CA10: variants seen among roughly 807,000 people sequenced by gnomAD.
The protein encoded by CA10 is carbonic anhydrase 10 (inactive).
A neutral mutation model predicts 44.2 loss-of-function variants in CA10; 14 were observed. The ratio of observed to expected loss-of-function variants is 0.32; its 90% CI spans 0.21 to 0.50. The LOEUF (loss-of-function observed/expected upper bound fraction) is 0.50. Among genes scored for constraint, CA10 ranks in the 20% least tolerant of loss-of-function variants. The probability of loss-of-function intolerance (pLI) is 0.99; values close to 1 mark genes in which losing one functional copy is unlikely to be tolerated. For missense variants in CA10, 350 were observed against 409.7 expected, an observed-to-expected ratio of 0.85 and a Z score of 1.26; for synonymous variants, 159 against 141.6, an observed-to-expected ratio of 1.12 and a Z score of -0.87.
chr17:51,661,919 G>T (rs1454310532), intron 4 of CA10: 1 of 152,208 alleles, frequency 6.6e-6, no homozygotes, highest in Admixed American at 6.5e-5. Flanking sequence ...ACTCAATTCT[G>T]CTTTTATAAT....
chr17:51,684,756 G>C (rs1261226942), intron 4 of CA10, among the ~76,000 whole-genome samples: 1 of 152,182 alleles, frequency 6.6e-6, no homozygotes, highest in Non-Finnish European at 1.5e-5. Context: ...CAGAGTTGGT[G>C]CTCTCAAAGT....
chr17:51,756,833 A>G (rs146167378), intron 3 of CA10, among the ~76,000 whole-genome samples: 3 of 152,264 alleles, frequency 2.0e-5, no homozygotes, highest in Admixed American at 2.0e-4. Context: ...CTTAATTAAA[A>G]TATGATGTCT....
At position 51,823,973 on chromosome 17, in the gene CA10, T is replaced by A. The variant is rs183750174; in HGVS notation, c.280-76155A>T. Among the ~76,000 whole-genome samples, 12 of 152,324 alleles carry A rather than the reference T, an allele frequency of 7.9e-5. No homozygotes were observed. The East Asian group carries it at 2.3e-3, about 29-fold the overall frequency. On this transcript the variant is annotated intron_variant, in intron 3 of 8. Transcript: ENST00000451037. ...ATCACTGTCACTCCACCCTGGTTTATTTTTCTTCTAAGCATTTACCATAAC... is the reference window on the plus strand; with the variant it reads ...ATCACTGTCACTCCACCCTGGTTTAATTTTCTTCTAAGCATTTACCATAAC...
At chr17:52,091,535 C>A (rs1283814465) in intron 1 of CA10, among the ~76,000 whole-genome samples, 5 of 152,126 alleles carry the variant, frequency 3.3e-5, no homozygotes, top group Non-Finnish European at 4.4e-5. Context: ...GCTGGCTAAA[C>A]AATTTCCCCC....
At chr17:51,715,124 C>A (rs1028686843) in intron 4 of CA10, among the ~76,000 whole-genome samples, 1 of 152,038 alleles carries the variant, frequency 6.6e-6, no homozygotes, top group Non-Finnish European at 1.5e-5. Flanking sequence ...GGACAAAAAA[C>A]CAAACACCTC....
At chr17:51,914,190 G>A (rs557139582) in intron 3 of CA10, among the ~76,000 whole-genome samples, 1 of 152,130 alleles carries the variant, frequency 6.6e-6, no homozygotes, top group Admixed American at 6.6e-5. Flanking sequence ...CACCCCAGCT[G>A]CAAAAACAGT....
At chr17:51,772,263 C>G (rs760909231) in intron 3 of CA10, among the ~76,000 whole-genome samples, 11 of 152,114 alleles carry the variant, frequency 7.2e-5, no homozygotes, top group Non-Finnish European at 1.5e-4. Context: ...CTCATAGTTA[C>G]TATTAACAAT....
chr17:51,853,315 C>G (rs1226572414), intron 3 of CA10, among the ~76,000 whole-genome samples: 2 of 152,178 alleles, frequency 1.3e-5, no homozygotes, highest in Non-Finnish European at 2.9e-5. Flanking sequence ...CCCTGATCCT[C>G]AGGCTGTTCT....
chr17:51,982,917 A>G (rs570339140), intron 2 of CA10, among the ~76,000 whole-genome samples: 1 of 151,990 alleles, frequency 6.6e-6, no homozygotes, highest in Non-Finnish European at 1.5e-5. Context: ...TTGAAATACC[A>G]TCACTCCTAA....
intron 6 of CA10, among the ~76,000 whole-genome samples, chr17:51,640,059 T>C (rs947261478): frequency 1.3e-5 from 2 of 152,284 alleles, no homozygotes; most frequent in African/African-American, 4.8e-5. Context: ...TTTGCTGTAT[T>C]TACTGAATTA....
At chr17:52,136,585 C>T (rs1989363847) in intron 1 of CA10, among the ~76,000 whole-genome samples, 2 of 152,296 alleles carry the variant, frequency 1.3e-5, no homozygotes, top group East Asian at 1.9e-4. Flanking sequence ...GTGTCTTGCT[C>T]ACAGTCCAGC....
chr17:51,904,635 C>A (rs929906851), intron 3 of CA10, among the ~76,000 whole-genome samples: 1 of 152,120 alleles, frequency 6.6e-6, no homozygotes, highest in African/African-American at 2.4e-5. Context: ...ATTTGGAAAT[C>A]TTATATGCAT....
intron 2 of CA10, among the ~76,000 whole-genome samples, chr17:51,945,407 C>T (rs963270872): frequency 2.0e-5 from 3 of 152,050 alleles, no homozygotes; most frequent in African/African-American, 4.8e-5. Context: ...AAACCGAAAA[C>T]GATGGCACAC....
At chr17:51,826,905 C>T (rs1397088668) in intron 3 of CA10, among the ~76,000 whole-genome samples, 4 of 152,214 alleles carry the variant, frequency 2.6e-5, no homozygotes, top group Admixed American at 2.0e-4. Context: ...CAGTGCTGGA[C>T]ACTGCATTCT....
At chr17:51,818,644 T>C (rs1188189592) in intron 3 of CA10, among the ~76,000 whole-genome samples, 2 of 152,196 alleles carry the variant, frequency 1.3e-5, no homozygotes, top group Admixed American at 6.5e-5. Flanking sequence ...GTTCTCTGAG[T>C]GCAGAAGTCA....
At chr17:51,773,904 C>T (rs146913579) in intron 3 of CA10, among the ~76,000 whole-genome samples, 15 of 152,288 alleles carry the variant, frequency 9.8e-5, no homozygotes, top group South Asian at 8.3e-4. Context: ...CCTGTCTCTT[C>T]GGTGGTTTCT....
intron 1 of CA10, among the ~76,000 whole-genome samples, chr17:52,157,053 A>G (rs1946042416): frequency 6.6e-6 from 1 of 152,240 alleles, no homozygotes; most frequent in South Asian, 2.1e-4. Flanking sequence ...GACAGGCCCA[A>G]GTAGACTGAG....
At chr17:52,122,511 T>C (rs941117406) in intron 1 of CA10, among the ~76,000 whole-genome samples, 2 of 152,230 alleles carry the variant, frequency 1.3e-5, no homozygotes, top group African/African-American at 4.8e-5. Flanking sequence ...AGGAGTTTCC[T>C]GGTGGCACCC....
chr17:51,650,518 C>T (rs928947244), intron 5 of CA10, among the ~76,000 whole-genome samples: 1 of 152,206 alleles, frequency 6.6e-6, no homozygotes, highest in Non-Finnish European at 1.5e-5. Flanking sequence ...CCAAAGGGAG[C>T]TTGGTGAGTG....
Sources: gnomAD v4.1 joint callset for allele counts (sites outside exome capture counted in the v4.1 genomes callset) on GRCh38, gnomAD v4.1.1 for gene constraint, MANE v1.5 for transcripts, NCBI Gene and HGNC (gene_info 2026-07-23, HGNC 2026-07-21) for gene names.